SERPINB12: variants seen among roughly 807,000 people sequenced by gnomAD.
SERPINB12 encodes the protein serpin B12.
SERPINB12 carries 57 observed loss-of-function variants against 41.1 expected under a neutral mutation model. That is an observed-to-expected ratio of 1.39 (90% CI 1.12 to 1.73). The LOEUF is 1.73. SERPINB12 is among the 40% of genes most tolerant of loss of function. The pLI, the probability that SERPINB12 is intolerant of heterozygous loss-of-function variation, is 0.00. For synonymous variants in SERPINB12, 180 were observed against 181.3 expected, an observed-to-expected ratio of 0.99 and a Z score of 0.06; for missense variants, 536 against 501.9, an observed-to-expected ratio of 1.07 and a Z score of -0.65.
intron 1 of SERPINB12, among the ~76,000 whole-genome samples, chr18:63,547,867 G>A (rs2000718): frequency 0.69 from 105,213 of 152,006 alleles, 36,613 homozygotes; most frequent in Middle Eastern, 0.74. Context: ...ATGCTAAATA[G>A]TCTTCTAACA....
At chr18:63,565,745 C>A in intron 7 of SERPINB12, 133 bp downstream of exon 7, 1 of 672,280 alleles carries the variant, frequency 1.5e-6, no homozygotes, top group Non-Finnish European at 2.3e-6. Flanking sequence ...GTGTAAGAAT[C>A]TGAATTAGAT....
intron 6 of SERPINB12, 122 bp downstream of exon 6, chr18:63,564,242 A>G (rs1911019687): frequency 4.8e-6 from 5 of 1,035,146 alleles, no homozygotes; most frequent in African/African-American, 1.6e-5. Flanking sequence ...TTTTTCGTTG[A>G]TAAGAACCAG....
intron 4 of SERPINB12, among the ~76,000 whole-genome samples, chr18:63,560,364 G>A (rs1910861779): frequency 6.6e-6 from 1 of 152,230 alleles, no homozygotes; most frequent in Non-Finnish European, 1.5e-5. Context: ...ACGTGACATG[G>A]TTGGTTAGAG....
At chr18:63,557,312 C>T (rs1003145225) in intron 2 of SERPINB12, among the ~76,000 whole-genome samples, 2 of 152,148 alleles carry the variant, frequency 1.3e-5, no homozygotes, top group Non-Finnish European at 2.9e-5. Context: ...CTACTTTGAC[C>T]TCCTAATCTA....
the SERPINB12 span, among the ~76,000 whole-genome samples, chr18:63,523,655 A>G: frequency 2.0e-5 from 3 of 152,214 alleles, no homozygotes; most frequent in East Asian, 3.8e-4. Context: ...AGATCAAGAA[A>G]AGCCAAGAGT....
At chr18:63,537,274 C>T in the SERPINB12 span, among the ~76,000 whole-genome samples, 3 of 152,226 alleles carry the variant, frequency 2.0e-5, no homozygotes, top group African/African-American at 7.2e-5. Flanking sequence ...CTGTGTCTCT[C>T]CTAATAAGCT....
chr18:63,549,069 G>A (rs1199377359), intron 1 of SERPINB12, among the ~76,000 whole-genome samples: 1 of 152,056 alleles, frequency 6.6e-6, no homozygotes. Context: ...AGTATAATGA[G>A]ATATTATAAG....
upstream of SERPINB12, among the ~76,000 whole-genome samples, chr18:63,539,596 C>T (rs559320590): frequency 7.2e-5 from 11 of 152,182 alleles, no homozygotes; most frequent in Non-Finnish European, 1.0e-4. Context: ...CACCCCACCC[C>T]GCCTGCTTTC....
intron 3 of SERPINB12, among the ~76,000 whole-genome samples, chr18:63,559,003 C>CTTCTTTCT (rs374734513): frequency 0.06 from 4,743 of 78,604 alleles, 228 homozygotes; most frequent in Admixed American, 0.086. Context: ...TCTTTCCTTC[C>CTTCTTTCT]TTCTTTCTTT....
At chr18:63,559,934 G>A (rs192331158) in intron 4 of SERPINB12, among the ~76,000 whole-genome samples, 25 of 152,254 alleles carry the variant, frequency 1.6e-4, no homozygotes, top group Admixed American at 3.3e-4. Flanking sequence ...GGCCCATTGT[G>A]GGTGGAATAG....
the SERPINB12 span, among the ~76,000 whole-genome samples, chr18:63,529,909 C>T: frequency 6.6e-6 from 1 of 151,984 alleles, no homozygotes; most frequent in Non-Finnish European, 1.5e-5. Flanking sequence ...GTTTTTCTTC[C>T]CTTTTTCAGA....
the SERPINB12 span, among the ~76,000 whole-genome samples, chr18:63,525,595 G>A: frequency 0.046 from 7,049 of 152,086 alleles, 229 homozygotes; most frequent in Middle Eastern, 0.079. Context: ...GACACTTAAC[G>A]AGTATCTATT....
upstream of SERPINB12, among the ~76,000 whole-genome samples, chr18:63,538,618 T>C (rs935555531): frequency 5.9e-5 from 9 of 152,224 alleles, no homozygotes; most frequent in African/African-American, 1.9e-4. Flanking sequence ...TTGTTTTTTC[T>C]TTTTGGCTAT....
intron 1 of SERPINB12, among the ~76,000 whole-genome samples, chr18:63,547,476 T>C (rs1299875021): frequency 4.6e-5 from 7 of 152,168 alleles, no homozygotes; most frequent in Admixed American, 4.6e-4. Flanking sequence ...TGAATATTTG[T>C]TCCAGCAGAA....
chr18:63,553,589 T>C (rs1910587972), intron 1 of SERPINB12, among the ~76,000 whole-genome samples: 2 of 152,206 alleles, frequency 1.3e-5, no homozygotes. Flanking sequence ...GCTCTTGTCT[T>C]CTTTTAATAG....
In SERPINB12 at chr18:63,546,265, T is replaced by C. The variant is rs76973697; in HGVS notation, c.-19+3773T>C. Among the ~76,000 whole-genome samples, 1,241 of 152,310 alleles carry C rather than the reference T, an allele frequency of 8.1e-3. 18 individuals carry two copies. The highest frequency in any genetic ancestry group is 0.028 in the African/African-American group (1,180 of 41,572). ...CATGTCAGTTCCTGGAGTTTGACTC[T>C]TCCTAGCTTTCTCCTAGTTGCTCCA... On this transcript the variant is annotated intron_variant, in intron 1 of 7. Coordinates refer to ENST00000382768, the MANE Select transcript of SERPINB12 (RefSeq NM_001307928.2).
At chr18:63,527,538 T>C in the SERPINB12 span, among the ~76,000 whole-genome samples, 1 of 152,186 alleles carries the variant, frequency 6.6e-6, no homozygotes, top group East Asian at 1.9e-4. Flanking sequence ...CTTTTGCTTT[T>C]GTGGCAATAT....
chr18:63,545,523 T>C (rs185924871), intron 1 of SERPINB12, among the ~76,000 whole-genome samples: 1 of 152,332 alleles, frequency 6.6e-6, no homozygotes, highest in East Asian at 1.9e-4. Flanking sequence ...TTTAGGCTTG[T>C]AGGGCACAGT....
intron 2 of SERPINB12, 100 bp downstream of exon 2, chr18:63,556,427 C>T (rs1453858389): frequency 1.8e-6 from 2 of 1,118,026 alleles, no homozygotes; most frequent in Non-Finnish European, 1.3e-6. Context: ...GCTTATTGCA[C>T]CCTGGGCTTG....
Sources: allele counts gnomAD v4.1 joint callset (sites outside exome capture counted in the v4.1 genomes callset), GRCh38; gene constraint gnomAD v4.1.1; transcripts MANE v1.5; gene names NCBI Gene and HGNC (gene_info 2026-07-23, HGNC 2026-07-21).